Variants in SEMA7A observed in about 807,000 individuals in gnomAD.
The protein encoded by SEMA7A is semaphorin-7A.
In SEMA7A, 21 loss-of-function variants were observed where a neutral mutation model predicts 67.5. The observed-to-expected ratio is 0.31, with a 90% confidence interval of 0.22 to 0.45. The LOEUF (loss-of-function observed/expected upper bound fraction) is 0.45, where lower values mean the gene tolerates loss of function less well. Ranked by LOEUF, SEMA7A falls within the 20% of genes least tolerant of loss-of-function variation. The probability of loss-of-function intolerance (pLI) is 1.00; values close to 1 mark genes in which losing one functional copy is unlikely to be tolerated. For missense variants in SEMA7A, 774 were observed against 908.6 expected (o/e 0.85, Z 1.90); for synonymous variants, 364 against 368.5 (o/e 0.99, Z 0.14).
Position 74,418,850 on chromosome 15 carries a change from T to A in SEMA7A, c.281A>T (p.Lys94Met), listed in dbSNP as rs1289260947. 1 of 1,613,784 alleles carries A rather than the reference T, an allele frequency of 6.2e-7. No homozygotes were observed. The highest frequency in any genetic ancestry group is 1.3e-5 in the African/African-American group (1 of 74,914). Residue 94 changes from lysine to methionine, a missense_variant, in exon 2 of 14, where the codon AAG becomes ATG. Transcript: ENST00000261918. ...CTCGGGGAAGTCAAAGAGGTAGACC[T>A]TGCCACGTCCTCCCACCCACACAGA... ...SSSVWVGGRGKVYLFDFPEGK... is the reference protein window; with the variant it reads ...SSSVWVGGRGMVYLFDFPEGK...
intron 1 of SEMA7A, among the ~76,000 whole-genome samples, chr15:74,419,257 C>G (rs2060979132): frequency 6.6e-6 from 1 of 152,182 alleles, no homozygotes; most frequent in African/African-American, 2.4e-5. Context: ...TTAGGGACCT[C>G]TTGGGGGAAC....
In SEMA7A at chr15:74,411,001, G is replaced by A. The variant is rs2141268177; in HGVS notation, c.1640-16C>T. 2 of 1,605,410 alleles carry A rather than the reference G, an allele frequency of 1.2e-6. No individual in the cohort carries two copies. On this transcript the variant is annotated splice_polypyrimidine_tract_variant and intron_variant, in intron 13 of 13. Coordinates refer to ENST00000261918, the MANE Select transcript of SEMA7A (RefSeq NM_003612.5). This position sits in a 1 kb window ranked among gnomAD's most constrained non-coding sequence, Gnocchi z 4.4. The stretch of plus-strand genomic sequence containing the variant: ...GGGGCCTTGTCTGGGGAGGCAGTGG[G>A]GAAGCAGCCGTGAGGAGGGACAAAG...
rs564785572 is a variant in SEMA7A, at chr15:74,411,373, G to A, written c.1578-17C>T. On this transcript the variant is annotated splice_polypyrimidine_tract_variant and intron_variant, in intron 12 of 13. Transcript: ENST00000261918. This position sits in a 1 kb window ranked among gnomAD's most constrained non-coding sequence, Gnocchi z 4.4. ...AGCACTGACCTGGAGTGGGAAGGAC[G>A]AAAGAGGATCAGCAGATACAAGGCT... 17 of 1,613,222 alleles carry A rather than the reference G, an allele frequency of 1.1e-5. No individual in the cohort carries two copies. The African/African-American group carries it at 1.2e-4, about 11-fold the overall frequency.
intron 1 of SEMA7A, among the ~76,000 whole-genome samples, chr15:74,425,468 T>G (rs2061036700): frequency 6.6e-6 from 1 of 152,122 alleles, no homozygotes. Context: ...ATTCCAGAGA[T>G]GAGCCCTTGG....
At chr15:74,416,511 TC>T in intron 7 of SEMA7A, 63 bp downstream of exon 7, 4 of 1,558,718 alleles carry the variant, frequency 2.6e-6, no homozygotes, top group Non-Finnish European at 3.5e-6. Flanking sequence ...CACACAGAAC[TC>T]ACCCTCACTC....
intron 1 of SEMA7A, among the ~76,000 whole-genome samples, chr15:74,420,031 A>C (rs536696717): frequency 6.6e-6 from 1 of 152,256 alleles, no homozygotes; most frequent in Admixed American, 6.5e-5. Context: ...CTCACCTAGG[A>C]ACTGGGTCTG....
At chr15:74,413,437 C>T (rs1436184620) in intron 10 of SEMA7A, among the ~76,000 whole-genome samples, 1 of 152,226 alleles carries the variant, frequency 6.6e-6, no homozygotes, top group Non-Finnish European at 1.5e-5. Flanking sequence ...AGTGTGCTCA[C>T]CTCCCAAGTC....
At chr15:74,416,509 A>T in intron 7 of SEMA7A, 66 bp downstream of exon 7, 2 of 1,492,582 alleles carry the variant, frequency 1.3e-6, no homozygotes, top group Non-Finnish European at 1.9e-6. Context: ...GACACACAGA[A>T]CTCACCCTCA....
At chr15:74,418,713 A>G (rs1395415227) in intron 2 of SEMA7A, 88 bp downstream of exon 2, 1 of 1,465,136 alleles carries the variant, frequency 6.8e-7, no homozygotes, top group African/African-American at 1.4e-5. Flanking sequence ...AAGAGAAGCC[A>G]GCTCCCTCGG....
intron 1 of SEMA7A, among the ~76,000 whole-genome samples, chr15:74,429,006 C>G (rs993411449): frequency 4.6e-5 from 7 of 152,188 alleles, no homozygotes; most frequent in Non-Finnish European, 8.8e-5. Context: ...GCTGGCCATA[C>G]ACCTGGTGGC....
intron 1 of SEMA7A, among the ~76,000 whole-genome samples, chr15:74,419,400 C>T (rs1469558622): frequency 6.6e-6 from 1 of 152,154 alleles, no homozygotes; most frequent in Non-Finnish European, 1.5e-5. Context: ...CCGGGCCTTT[C>T]AGCAGGCAGC....
intron 1 of SEMA7A, among the ~76,000 whole-genome samples, chr15:74,421,432 C>T (rs1358144719): frequency 6.6e-6 from 1 of 152,206 alleles, no homozygotes; most frequent in East Asian, 1.9e-4. Flanking sequence ...TCCCTTCAAA[C>T]CCTAGCCACA....
intron 10 of SEMA7A, among the ~76,000 whole-genome samples, chr15:74,413,315 G>C (rs1338606818): frequency 6.6e-6 from 1 of 152,244 alleles, no homozygotes; most frequent in East Asian, 1.9e-4. Context: ...ATTCTCTGCA[G>C]AGGACTTAGA....
chr15:74,418,910 G>A lies in SEMA7A; in HGVS notation c.221C>T (p.Pro74Leu), dbSNP rs750482100. The A allele has an allele frequency of 1.7e-5, 28 of 1,613,664 alleles. No individual in the cohort carries two copies. The highest frequency in any genetic ancestry group is 1.6e-4 in the Middle Eastern group (1 of 6,082). The change falls in exon 2 of 14, where the codon CCG becomes CTG. Residue 74 changes from proline (P) to leucine (L), a missense_variant. Pro to Leu is a moderately conservative substitution (Grantham distance 98). Around this residue, in one of 2 missense-constraint regions of SEMA7A, gnomAD observed 347 missense variants for 353.2 expected, o/e 0.98. Transcript: ENST00000261918. ...TGGCTCGTGGAAAAGCACCGTGTGC[G>A]GCTCAGTCTGGCCAAAGTCCACCCG... ...QDRVDFGQTE[P>L]HTVLFHEPGS...
In SEMA7A at chr15:74,415,606, CAG is replaced by C. The variant is rs2060941329; in HGVS notation, c.986+193_986+194del. 2.0e-5 allele frequency among the ~76,000 whole-genome samples: 3 copies of C among 152,138 alleles called. No homozygotes were observed. The South Asian group carries it at 6.2e-4, about 32-fold the overall frequency. On this transcript the variant is annotated intron_variant, in intron 8 of 13. Transcript: ENST00000261918. ...GGGCATGCACACACACCCATGAGTG[CAG>C]ACTCACTCACACAACAGTACATACA...
intron 1 of SEMA7A, among the ~76,000 whole-genome samples, chr15:74,426,147 C>T (rs887212718): frequency 6.6e-6 from 1 of 152,070 alleles, no homozygotes; most frequent in Non-Finnish European, 1.5e-5. Flanking sequence ...TGGTGGTGTG[C>T]GCCTGTACTC....
Position 74,418,290 on chromosome 15 carries a change from T to C in SEMA7A, c.350A>G (p.Lys117Arg). The part of the protein sequence containing the change: ...SVRTVNIGST[K>R]GSCLDKRDCE... Reference sequence around the variant, plus strand: ...CACCCGCTTATCCAGACAGGACCCCTTTGTGGAGCCGATATTCACCTGGGG... The same window carrying C: ...CACCCGCTTATCCAGACAGGACCCCCTTGTGGAGCCGATATTCACCTGGGG... Residue 117 changes from lysine (K) to arginine (R), a missense_variant, in exon 3 of 14, where the codon AAG becomes AGG. Coordinates refer to ENST00000261918, the MANE Select transcript of SEMA7A (RefSeq NM_003612.5). The C allele has an allele frequency of 6.2e-7, 1 of 1,611,592 alleles. No homozygotes were observed. Among genetic ancestry groups the C allele is most frequent in the Non-Finnish European group, 8.5e-7 (1 of 1,179,290 alleles).
rs1160862518 is a variant in SEMA7A at position 74,430,908 on chromosome 15, C to G, written c.178+2833G>C. ...CAGCCACCAAGTCAACAATAACATC[C>G]CGTTGTTTCACTGGACAAAAGCGAG... On this transcript the variant is annotated intron_variant, in intron 1 of 13. Transcript: ENST00000261918. 3.3e-5 allele frequency among the ~76,000 whole-genome samples: 5 copies of G among 152,214 alleles called. No individual in the cohort carries two copies. In the East Asian group the frequency reaches 9.6e-4, roughly 29 times the overall value.
At chr15:74,430,561 C>T (rs1444944815) in intron 1 of SEMA7A, among the ~76,000 whole-genome samples, 1 of 152,230 alleles carries the variant, frequency 6.6e-6, no homozygotes, top group Non-Finnish European at 1.5e-5. Flanking sequence ...GTGCCAGCGT[C>T]CATTCCACCG....
Sources: gnomAD v4.1 joint callset for allele counts (sites outside exome capture counted in the v4.1 genomes callset) on GRCh38, gnomAD v4.1.1 for gene constraint, gnomAD v4.1.1 regional missense constraint, Gnocchi (gnomAD v3.1) non-coding constraint, MANE v1.5 for transcripts, NCBI Gene and HGNC (gene_info 2026-07-23, HGNC 2026-07-21) for gene names.